Variants in SCP2 observed in about 807,000 individuals in gnomAD.
The protein encoded by SCP2 is SCP-2/3-oxoacyl-CoA thiolase.
A neutral mutation model predicts 71.4 loss-of-function variants in SCP2; 48 were observed. The ratio of observed to expected loss-of-function variants is 0.67; its 90% CI spans 0.53 to 0.86. The LOEUF (loss-of-function observed/expected upper bound fraction) is 0.86, where lower values mean the gene tolerates loss of function less well. Ranked by LOEUF, SCP2 falls within the 40% of genes least tolerant of loss-of-function variation. The pLI is 0.00. For synonymous variants in SCP2, 220 were observed against 218.1 expected, an observed-to-expected ratio of 1.01 and a Z score of -0.08; for missense variants, 560 against 655.6, an observed-to-expected ratio of 0.85 and a Z score of 1.59.
intron 13 of SCP2, among the ~76,000 whole-genome samples, chr1:53,032,284 AC>A (rs775762745): frequency 1.3e-5 from 2 of 152,164 alleles, no homozygotes; most frequent in Non-Finnish European, 2.9e-5. Context: ...TGGTTGTACT[AC>A]CCACTAGCCA....
intron 10 of SCP2, among the ~76,000 whole-genome samples, chr1:52,987,007 T>TATATA (rs1491431026): frequency 0.018 from 1,098 of 62,370 alleles, 33 homozygotes; most frequent in Admixed American, 0.13. Context: ...TATATATATA[T>TATATA]TTTTTTTTTT....
intron 1 of SCP2, among the ~76,000 whole-genome samples, chr1:52,936,443 A>G (rs548153086): frequency 3.3e-5 from 5 of 152,332 alleles, no homozygotes; most frequent in Admixed American, 3.3e-4. Flanking sequence ...ACTACCACCT[A>G]TAGTTTTGTC....
intron 5 of SCP2, among the ~76,000 whole-genome samples, chr1:52,957,771 A>G (rs1274326245): frequency 6.6e-6 from 1 of 152,216 alleles, no homozygotes; most frequent in African/African-American, 2.4e-5. Flanking sequence ...TTTCTGTCAC[A>G]TGTGTTTTAC....
chr1:52,954,796 G>A lies in SCP2; in HGVS notation c.388G>A (p.Gly130Arg), dbSNP rs1158937811. The A allele has an allele frequency of 1.2e-6, 2 of 1,612,826 alleles. No individual in the cohort carries two copies. Among genetic ancestry groups the A allele is most frequent in the Non-Finnish European group, 8.5e-7 (1 of 1,179,046 alleles). Residue 130 changes from glycine (G) to arginine (R), a missense_variant, in exon 5 of 16, where the codon GGA (glycine) becomes AGA (arginine). Physicochemically the swap from Gly to Arg is moderately radical, Grantham distance 125. This residue lies in a region of SCP2 where 513 missense variants were observed against 573.1 expected (regional missense o/e 0.90). Coordinates refer to ENST00000371514, the MANE Select transcript of SCP2 (RefSeq NM_002979.5). Reference protein sequence around the residue: ...GFEKMSKGSLGIKFSDRTIPT... With the variant: ...GFEKMSKGSLRIKFSDRTIPT... ...TGAGAAGATGAGTAAGGGAAGCCTT[G>A]GAATAAAAGTGAGTGTTATTTTGGC... is the stretch of plus-strand genomic sequence containing the variant.
intron 11 of SCP2, among the ~76,000 whole-genome samples, chr1:52,990,890 G>T (rs1005722785): frequency 2.0e-5 from 3 of 152,166 alleles, no homozygotes; most frequent in African/African-American, 7.2e-5. Context: ...AGAATGAAAA[G>T]TGTCCTTCAG....
intron 4 of SCP2, among the ~76,000 whole-genome samples, chr1:52,953,540 CT>C (rs980255281): frequency 6.6e-6 from 1 of 151,998 alleles, no homozygotes; most frequent in African/African-American, 2.4e-5. Flanking sequence ...GAGATGGGGT[CT>C]TGCCATGTTG....
At chr1:52,928,497 T>C (rs1652753641) in intron 1 of SCP2, among the ~76,000 whole-genome samples, 1 of 152,184 alleles carries the variant, frequency 6.6e-6, no homozygotes, top group Non-Finnish European at 1.5e-5. Context: ...AACATGTAAA[T>C]AGGCCGGGGC....
chr1:52,944,436 G>A (rs903545919), intron 2 of SCP2, among the ~76,000 whole-genome samples: 3 of 152,110 alleles, frequency 2.0e-5, no homozygotes, highest in Non-Finnish European at 4.4e-5. Flanking sequence ...CAAAAGGAAG[G>A]TTCAAGAGAT....
At chr1:52,937,725 C>G (rs948726650) in intron 1 of SCP2, among the ~76,000 whole-genome samples, 5 of 152,174 alleles carry the variant, frequency 3.3e-5, no homozygotes, top group African/African-American at 1.2e-4. Context: ...TGAAATAGAA[C>G]AGGAAATACT....
At chr1:52,980,216 C>G (rs1572131129) in intron 9 of SCP2, among the ~76,000 whole-genome samples, 180 bp from the exon 10 acceptor site, 1 of 152,284 alleles carries the variant, frequency 6.6e-6, no homozygotes, top group East Asian at 1.9e-4. Context: ...TCAAGCGATC[C>G]TCCTGCCTCA....
chr1:52,947,241 TAAAAAAAAAAAAAAA>T (rs34249724), intron 2 of SCP2, among the ~76,000 whole-genome samples: 2 of 54,424 alleles, frequency 3.7e-5, no homozygotes, highest in East Asian at 4.4e-4. Context: ...ATGTTGTCCT[TAAAAAAAAAAAAAAA>T]AAAAAAAAAA....
At chr1:52,939,617 G>C (rs1469532722) in intron 1 of SCP2, among the ~76,000 whole-genome samples, 1 of 152,146 alleles carries the variant, frequency 6.6e-6, no homozygotes, top group African/African-American at 2.4e-5. Context: ...CAACTCCTTT[G>C]GGTAAATGCC....
chr1:53,036,080 A>G (rs937705009), intron 13 of SCP2, among the ~76,000 whole-genome samples: 4 of 150,916 alleles, frequency 2.7e-5, no homozygotes, highest in African/African-American at 9.7e-5. Flanking sequence ...TAACTTGTTG[A>G]TAACAATCAA....
chr1:53,000,062 C>T (rs1390278211), intron 11 of SCP2, among the ~76,000 whole-genome samples: 2 of 151,904 alleles, frequency 1.3e-5, no homozygotes, highest in African/African-American at 2.4e-5. Context: ...AGTGATCCAC[C>T]TTCCAAAGTG....
intron 1 of SCP2, among the ~76,000 whole-genome samples, chr1:52,936,518 A>G (rs185815633): frequency 6.6e-6 from 1 of 152,360 alleles, no homozygotes; most frequent in East Asian, 1.9e-4. Context: ...TACAGAGAAC[A>G]GAAGTACACA....
intron 1 of SCP2, among the ~76,000 whole-genome samples, chr1:52,928,232 C>A (rs1363087886): frequency 1.3e-5 from 2 of 152,252 alleles, no homozygotes; most frequent in Non-Finnish European, 2.9e-5. Context: ...CAGTACCGGG[C>A]AGTACTAAAG....
intron 5 of SCP2, among the ~76,000 whole-genome samples, chr1:52,960,512 G>A (rs916308765): frequency 0.014 from 1,930 of 136,796 alleles, 42 homozygotes; most frequent in African/African-American, 0.051. Flanking sequence ...GTGTGTGTGT[G>A]TGTGTGTATA....
In SCP2 at chr1:52,976,771, TA is replaced by T; in HGVS notation, c.674+4del. 7.4e-7 allele frequency: 1 copy of T among 1,349,216 alleles called. No homozygotes were observed. Among genetic ancestry groups the T allele is most frequent in the Non-Finnish European group, 1.1e-6 (1 of 938,918 alleles). 83.6% of individuals were successfully genotyped at this position (1,349,216 alleles called of 1,614,324 possible). A position where few individuals can be genotyped will look rare whatever the true frequency, so the allele number is the denominator to read the frequency against. On this transcript the variant is annotated splice_donor_region_variant and intron_variant, in intron 8 of 15. Coordinates refer to ENST00000371514, the MANE Select transcript of SCP2 (RefSeq NM_002979.5). ...TTTTTTGACTATCTTACAATGTTGG[TA>T]AGAAAAATATATTTTAACATTTAAT...
chr1:52,970,937 T>C (rs1393859868), intron 6 of SCP2, among the ~76,000 whole-genome samples: 1 of 151,326 alleles, frequency 6.6e-6, no homozygotes, highest in African/African-American at 2.4e-5. Flanking sequence ...GGTTATTCTG[T>C]ATTGGTTTTA....
Sources: allele counts gnomAD v4.1 joint callset (sites outside exome capture counted in the v4.1 genomes callset), GRCh38; gene constraint gnomAD v4.1.1; regional missense constraint gnomAD v4.1.1; transcripts MANE v1.5; gene names NCBI Gene and HGNC (gene_info 2026-07-23, HGNC 2026-07-21).